The following PCDHA11 variants were observed in gnomAD, a reference collection of about 807,000 sequenced individuals.
The protein encoded by PCDHA11 is protocadherin alpha 11, also known as protocadherin alpha-11.
Under a neutral mutation model 70.3 loss-of-function variants are expected in PCDHA11, and 61 were observed. The observed-to-expected ratio is 0.87, with a 90% CI of 0.71 to 1.07. PCDHA11 has a LOEUF of 1.07. PCDHA11 is among the 50% of genes least tolerant of loss of function. The probability of loss-of-function intolerance (pLI) is 0.00; values close to 1 mark genes in which losing one functional copy is unlikely to be tolerated. For missense variants in PCDHA11, 1,324 were observed against 1,237.5 expected, an observed-to-expected ratio of 1.07 and a Z score of -1.05; for synonymous variants, 633 against 555.1, an observed-to-expected ratio of 1.14 and a Z score of -1.97.
chr5:140,933,645 G>A lies in PCDHA11; in HGVS notation c.2392-45304G>A, dbSNP rs1014286392. Among the ~76,000 whole-genome samples the A allele has an allele frequency of 3.3e-5, 5 of 151,892 alleles. No individual in the cohort carries two copies. The South Asian group carries it at 8.3e-4, about 25-fold the overall frequency. On this transcript the variant is annotated intron_variant, in intron 1 of 3. Transcript: ENST00000398640. ...TAGGCTGGCCCTGTTAAACAAGTTG[G>A]AAATCCTGTCTCTCTCTCTGTCTCT...
intron 3 of PCDHA11, among the ~76,000 whole-genome samples, chr5:140,996,834 A>G (rs527764387): frequency 1.7e-4 from 26 of 152,374 alleles, no homozygotes; most frequent in Middle Eastern, 3.4e-3. Flanking sequence ...CCAATAATTT[A>G]GCGTGCATCT....
intron 1 of PCDHA11, chr5:140,877,898 A>G: frequency 6.9e-7 from 1 of 1,445,150 alleles, no homozygotes. Context: ...CGTTTAGGTT[A>G]TAACTACATT....
intron 1 of PCDHA11, chr5:140,928,999 G>C: frequency 1.2e-6 from 2 of 1,613,936 alleles, no homozygotes; most frequent in Non-Finnish European, 1.7e-6. Context: ...ACTTTTCTTC[G>C]TGTGTACCAA....
intron 1 of PCDHA11, among the ~76,000 whole-genome samples, chr5:140,911,608 T>C (rs1045101856): frequency 1.3e-5 from 2 of 152,180 alleles, no homozygotes; most frequent in Non-Finnish European, 2.9e-5. Context: ...TTCATTATGT[T>C]CCTTAGTTCC....
chr5:140,989,422 TG>T (rs1554250798), intron 3 of PCDHA11, among the ~76,000 whole-genome samples: 2 of 152,128 alleles, frequency 1.3e-5, no homozygotes, highest in African/African-American at 4.8e-5. Flanking sequence ...CTTCACTCTG[TG>T]GGAAAAATTG....
chr5:141,009,258 C>A (rs1311772308), intron 3 of PCDHA11, among the ~76,000 whole-genome samples: 1 of 152,086 alleles, frequency 6.6e-6, no homozygotes, highest in Admixed American at 6.6e-5. Flanking sequence ...TGTTTGAGAC[C>A]AGCCTGGGCA....
At chr5:140,873,963 T>G (rs1048862313) in intron 1 of PCDHA11, among the ~76,000 whole-genome samples, 2 of 152,206 alleles carry the variant, frequency 1.3e-5, no homozygotes, top group East Asian at 3.8e-4. Flanking sequence ...GCCCAGCCTA[T>G]TTTTTAAAAT....
intron 1 of PCDHA11, among the ~76,000 whole-genome samples, chr5:140,921,353 A>T (rs943655623): frequency 6.6e-6 from 1 of 152,160 alleles, no homozygotes; most frequent in Non-Finnish European, 1.5e-5. Context: ...ATATTTGCCT[A>T]TATTCAAGTT....
chr5:141,008,074 G>A (rs1484978543), intron 3 of PCDHA11, among the ~76,000 whole-genome samples: 1 of 151,988 alleles, frequency 6.6e-6, no homozygotes, highest in Non-Finnish European at 1.5e-5. Flanking sequence ...AGAACTTATT[G>A]GGGTTATTCT....
At chr5:140,985,740 T>TG (rs1554247304) in intron 3 of PCDHA11, among the ~76,000 whole-genome samples, 2 of 53,688 alleles carry the variant, frequency 3.7e-5, no homozygotes, top group Admixed American at 1.9e-4. Flanking sequence ...GATGAATTCC[T>TG]TTTTTTTTTT....
At chr5:140,891,174 T>C (rs147745090) in intron 1 of PCDHA11, among the ~76,000 whole-genome samples, 2,208 of 152,320 alleles carry the variant, frequency 0.014, 24 homozygotes, top group Non-Finnish European at 0.022. Flanking sequence ...TTTTCAGATT[T>C]TCTGTGTGTC....
intron 1 of PCDHA11, chr5:140,929,314 G>A: frequency 6.4e-7 from 1 of 1,560,184 alleles, no homozygotes; most frequent in Non-Finnish European, 8.7e-7. Flanking sequence ...TCACGCTAAT[G>A]TCAATGCCAT....
intron 1 of PCDHA11, among the ~76,000 whole-genome samples, chr5:140,905,871 G>C (rs889363141): frequency 6.6e-6 from 1 of 152,078 alleles, no homozygotes; most frequent in African/African-American, 2.4e-5. Context: ...ACAATCACAA[G>C]GCCCAACAAT....
At chr5:140,957,398 TTTA>T (rs2095356378) in intron 1 of PCDHA11, among the ~76,000 whole-genome samples, 1 of 152,304 alleles carries the variant, frequency 6.6e-6, no homozygotes, top group South Asian at 2.1e-4. Context: ...ATTGTCCTAA[TTTA>T]TTATTATTGT....
chr5:140,901,020 C>G (rs528406801), intron 1 of PCDHA11, among the ~76,000 whole-genome samples: 2 of 152,262 alleles, frequency 1.3e-5, no homozygotes, highest in African/African-American at 4.8e-5. Flanking sequence ...TGAGAAACAT[C>G]TATTCAACTC....
At chr5:140,978,462 G>T (rs939639463) in intron 1 of PCDHA11, among the ~76,000 whole-genome samples, 3 of 152,222 alleles carry the variant, frequency 2.0e-5, no homozygotes, top group Admixed American at 1.3e-4. Flanking sequence ...TCCGCCCTGG[G>T]TCAAATATGC....
At chr5:140,969,228 G>A in intron 1 of PCDHA11, 1 of 1,614,176 alleles carries the variant, frequency 6.2e-7, no homozygotes, top group Non-Finnish European at 8.5e-7. Flanking sequence ...GGGCCTTCGG[G>A]AGCCCAAGCA....
In PCDHA11 at chr5:140,871,420, C is replaced by G. The variant is rs1193380487; in HGVS notation, c.2317C>G (p.Pro773Ala). The change falls in exon 1 of 4, where the codon CCC (proline) becomes GCC (alanine). Residue 773 changes from proline (P) to alanine (A), a missense_variant. Pro to Ala is a conservative substitution (Grantham distance 27, BLOSUM62 -1). Coordinates refer to ENST00000398640, the MANE Select transcript of PCDHA11 (RefSeq NM_018902.5). ...TAAGACGGACCTCATGGCCTTCAGC[C>G]CCAGTCTTCCTCTAGGTCTGAATAA... ...PPKTDLMAFS[P>A]SLPLGLNKEE... 6.2e-7 allele frequency: 1 copy of G among 1,613,620 alleles called. No homozygotes were observed. The highest frequency in any genetic ancestry group is 8.5e-7 in the Non-Finnish European group (1 of 1,179,822).
At chr5:140,968,626 T>C in intron 1 of PCDHA11, 1 of 1,614,156 alleles carries the variant, frequency 6.2e-7, no homozygotes. Context: ...ATGCTTGGCT[T>C]TTTTACCATC....
Sources: gnomAD v4.1 joint callset for allele counts (sites outside exome capture counted in the v4.1 genomes callset) on GRCh38, gnomAD v4.1.1 for gene constraint, MANE v1.5 for transcripts, NCBI Gene and HGNC (gene_info 2026-07-23, HGNC 2026-07-21) for gene names.